Variants in STK32C observed in about 807,000 individuals in gnomAD.
The protein encoded by STK32C is serine/threonine kinase 32C, also known as serine/threonine-protein kinase 32C.
Under a neutral mutation model 56.5 loss-of-function variants are expected in STK32C, and 31 were observed. The observed-to-expected ratio is 0.55, with a 90% CI of 0.41 to 0.74. The LOEUF (loss-of-function observed/expected upper bound fraction) is 0.74. STK32C is among the 30% of genes least tolerant of loss of function. STK32C has a pLI of 0.00. For missense variants in STK32C, 544 were observed against 676.9 expected (o/e 0.80, Z 2.18); for synonymous variants, 309 against 289.4 (o/e 1.07, Z -0.69).
intron 2 of STK32C, among the ~76,000 whole-genome samples, chr10:132,233,378 G>A (rs970813235): frequency 2.0e-5 from 3 of 152,226 alleles, no homozygotes; most frequent in African/African-American, 7.2e-5. Flanking sequence ...GAGAAGCTGT[G>A]TCCCATAGGC....
rs574088610 is a variant in STK32C, at chr10:132,262,231, G to A, written c.263-16276C>T. ...TTCAATAAATGGTGCTGGGAGAGCC[G>A]GCGAGCCACATGAGGAAGAATGAAG... On this transcript the variant is annotated intron_variant, in intron 1 of 11. Coordinates refer to ENST00000298630, the MANE Select transcript of STK32C (RefSeq NM_173575.4). 3.5e-4 allele frequency among the ~76,000 whole-genome samples: 54 copies of A among 152,246 alleles called. 1 individual carries two copies. In the South Asian group the frequency reaches 0.01, roughly 29 times the overall value.
chr10:132,285,016 A>G (rs1412767542), intron 1 of STK32C, among the ~76,000 whole-genome samples: 1 of 131,382 alleles, frequency 7.6e-6, no homozygotes, highest in Non-Finnish European at 1.6e-5. Flanking sequence ...CCCGGAACAC[A>G]TTCCCACGTC....
rs111404419 is a variant in STK32C, at chr10:132,226,777, C to T, written c.644+18G>A. The T allele has an allele frequency of 2.5e-5, 41 of 1,608,130 alleles. No individual in the cohort carries two copies. The highest frequency in any genetic ancestry group is 2.5e-4 in the African/African-American group (19 of 75,022). On this transcript the variant is annotated intron_variant, in intron 4 of 11. Transcript: ENST00000298630. ...CGCCCACCTCAGCAGGTACCTGCGC[C>T]GTCTGCCACGCACACACCTGTGGAT...
At chr10:132,231,059 C>A (rs1191467498) in intron 2 of STK32C, among the ~76,000 whole-genome samples, 2 of 152,226 alleles carry the variant, frequency 1.3e-5, no homozygotes, top group Non-Finnish European at 2.9e-5. Context: ...CACCCAGGAC[C>A]ACCCGCTTTC....
intron 1 of STK32C, among the ~76,000 whole-genome samples, chr10:132,260,010 G>A (rs77787345): frequency 0.032 from 4,927 of 152,178 alleles, 131 homozygotes; most frequent in African/African-American, 0.066. Flanking sequence ...CAGAGCGCAC[G>A]CATCACGGAG....
At position 132,207,839 on chromosome 10, in the gene STK32C, CTT is replaced by C; in HGVS notation, c.*169_*170del. 3 of 810,694 alleles carry C rather than the reference CTT, an allele frequency of 3.7e-6. No individual in the cohort carries two copies. Among genetic ancestry groups the C allele is most frequent in the Non-Finnish European group, 5.0e-6 (3 of 603,844 alleles). 50.2% of individuals were successfully genotyped at this position (810,694 alleles called of 1,614,324 possible). ...CAGGTGTCCCCTGCACCCACAGCCT[CTT>C]GTCCCCTGCACCACCACGAGCCTGA... On this transcript the variant is annotated 3_prime_UTR_variant, in exon 12 of 12. Coordinates refer to ENST00000298630, the MANE Select transcript of STK32C (RefSeq NM_173575.4).
chr10:132,266,702 C>A (rs1220475387), intron 1 of STK32C, among the ~76,000 whole-genome samples: 2 of 150,540 alleles, frequency 1.3e-5, no homozygotes, highest in Non-Finnish European at 1.5e-5. Flanking sequence ...GGAACGCGGG[C>A]GTGGGTGGGG....
chr10:132,280,537 C>T (rs1364620960), intron 1 of STK32C, among the ~76,000 whole-genome samples: 1 of 139,022 alleles, frequency 7.2e-6, no homozygotes, highest in African/African-American at 2.7e-5. Flanking sequence ...ACGCTGAGGC[C>T]TCCACACCGT....
Position 132,289,284 on chromosome 10 carries a change from C to A in STK32C, c.262+18288G>T, listed in dbSNP as rs2065498687. Among the ~76,000 whole-genome samples, 2 of 152,136 alleles carry A rather than the reference C, an allele frequency of 1.3e-5. 1 individual carries two copies. The highest frequency in any genetic ancestry group is 2.9e-5 in the Non-Finnish European group (2 of 68,024). The stretch of plus-strand genomic sequence containing the variant: ...AAATTAATTTTAAATGTATCTTAGA[C>A]CTAAACTTGACTTTAGGATAGACAA... On this transcript the variant is annotated intron_variant, in intron 1 of 11. Coordinates refer to ENST00000298630, the MANE Select transcript of STK32C (RefSeq NM_173575.4).
chr10:132,253,525 C>T lies in STK32C; in HGVS notation c.263-7570G>A, dbSNP rs868778524. Among the ~76,000 whole-genome samples, 265 of 98,078 alleles carry T rather than the reference C, an allele frequency of 2.7e-3. 2 individuals carry two copies. Among genetic ancestry groups the T allele is most frequent in the Middle Eastern group, 0.023 (4 of 172 alleles). 64.3% of individuals were successfully genotyped at this position (98,078 alleles called of 152,430 possible). On this transcript the variant is annotated intron_variant, in intron 1 of 11. Transcript: ENST00000298630. Reference sequence around the variant, plus strand: ...AGGGAGCTGAGGGAGCTGAGGGAGCCGGAGGGAGCTGGAGGGAGTCGAGGG... The same window carrying T: ...AGGGAGCTGAGGGAGCTGAGGGAGCTGGAGGGAGCTGGAGGGAGTCGAGGG...
At chr10:132,282,143 G>A (rs1378872130) in intron 1 of STK32C, among the ~76,000 whole-genome samples, 2 of 152,182 alleles carry the variant, frequency 1.3e-5, no homozygotes, top group Admixed American at 6.5e-5. Context: ...CAGCAGCCAC[G>A]CTACACTTGG....
chr10:132,303,031 G>A (rs1172350866), intron 1 of STK32C, among the ~76,000 whole-genome samples: 1 of 152,212 alleles, frequency 6.6e-6, no homozygotes, highest in East Asian at 1.9e-4. Context: ...CCACACACAA[G>A]GTGAACCTTG....
intron 4 of STK32C, among the ~76,000 whole-genome samples, chr10:132,226,522 G>T (rs934214685): frequency 1.3e-5 from 2 of 152,198 alleles, no homozygotes; most frequent in East Asian, 1.9e-4. Context: ...ACCCAGCCTG[G>T]TGGTCTGTCC....
intron 1 of STK32C, among the ~76,000 whole-genome samples, chr10:132,328,647 C>T (rs1338372953): frequency 1.3e-5 from 2 of 152,216 alleles, no homozygotes; most frequent in Non-Finnish European, 2.9e-5. Flanking sequence ...GGCCTATGCC[C>T]AGGAATGAAC....
chr10:132,264,095 G>C (rs1034766200), intron 1 of STK32C, among the ~76,000 whole-genome samples: 4 of 152,126 alleles, frequency 2.6e-5, no homozygotes, highest in Admixed American at 2.6e-4. Flanking sequence ...GGTGGCGACG[G>C]ATGTAATCAG....
chr10:132,268,661 G>T (rs11146294), intron 1 of STK32C, among the ~76,000 whole-genome samples: 26,944 of 145,474 alleles, frequency 0.19, 1,728 homozygotes, highest in Non-Finnish European at 0.27. Context: ...GTGCATGCAT[G>T]TGTATGCAGG....
chr10:132,208,985 C>T lies in STK32C; in HGVS notation c.1319+49G>A, dbSNP rs1165653469. 5.1e-6 allele frequency: 8 copies of T among 1,578,262 alleles called. No individual in the cohort carries two copies. In the Admixed American group the frequency reaches 1.2e-4, roughly 23 times the overall value. On this transcript the variant is annotated intron_variant, in intron 11 of 11. Coordinates refer to ENST00000298630, the MANE Select transcript of STK32C (RefSeq NM_173575.4). ...GCCAAGAAAACCTTAACCTTAGCCCCATTTTCCTCCTCTCTGCCACCACGC... is the reference window on the plus strand; with the variant it reads ...GCCAAGAAAACCTTAACCTTAGCCCTATTTTCCTCCTCTCTGCCACCACGC...
intron 1 of STK32C, among the ~76,000 whole-genome samples, chr10:132,269,481 G>C (rs2064745298): frequency 6.6e-6 from 1 of 150,932 alleles, no homozygotes; most frequent in Non-Finnish European, 1.5e-5. Context: ...CCTGGGGAAA[G>C]TGTGTGGCAG....
chr10:132,319,817 T>A (rs2066370012), downstream of STK32C, among the ~76,000 whole-genome samples: 1 of 152,196 alleles, frequency 6.6e-6, no homozygotes. Flanking sequence ...AGGGTTTTTT[T>A]TTCCCCTTCC....
Sources: gnomAD v4.1 joint callset for allele counts (sites outside exome capture counted in the v4.1 genomes callset) on GRCh38, gnomAD v4.1.1 for gene constraint, MANE v1.5 for transcripts, NCBI Gene and HGNC (gene_info 2026-07-23, HGNC 2026-07-21) for gene names.